Variants in SGPP2 observed in about 807,000 individuals in gnomAD.
SGPP2 encodes the protein sphingosine-1-phosphate phosphatase 2.
SGPP2 carries 30 observed loss-of-function variants against 33.9 expected under a neutral mutation model. The ratio of observed to expected loss-of-function variants is 0.89; its 90% CI spans 0.66 to 1.20. The LOEUF is 1.20. Ranked by LOEUF, SGPP2 falls within the 50% of genes most tolerant of loss-of-function variation. The probability of loss-of-function intolerance (pLI) is 0.00; values close to 1 mark genes in which losing one functional copy is unlikely to be tolerated. For missense variants in SGPP2, 458 were observed against 532.1 expected, an observed-to-expected ratio of 0.86 and a Z score of 1.37; for synonymous variants, 233 against 225.0, an observed-to-expected ratio of 1.04 and a Z score of -0.32.
chr2:222,543,584 G>A (rs1689119726), intron 4 of SGPP2, among the ~76,000 whole-genome samples: 1 of 152,150 alleles, frequency 6.6e-6, no homozygotes, highest in African/African-American at 2.4e-5. Flanking sequence ...ATGTGAATGT[G>A]GTCTCTCTCT....
chr2:222,550,903 C>T lies in SGPP2; in HGVS notation c.649-7444C>T, dbSNP rs1234345583. ...TAAACTTCATGAGCAGCCTTATTAT[C>T]GTCTCTGGTTATTTTCTTAGAATCA... On this transcript the variant is annotated intron_variant, in intron 4 of 4. Coordinates refer to ENST00000321276, the MANE Select transcript of SGPP2 (RefSeq NM_152386.4). This position sits in a 1 kb window ranked among gnomAD's most constrained non-coding sequence, Gnocchi z 4.5. Among the ~76,000 whole-genome samples, 4 of 152,134 alleles carry T rather than the reference C, an allele frequency of 2.6e-5. No individual in the cohort carries two copies. Among genetic ancestry groups the T allele is most frequent in the Admixed American group, 1.3e-4 (2 of 15,278 alleles).
At chr2:222,452,236 T>G (rs1418063328) in intron 1 of SGPP2, among the ~76,000 whole-genome samples, 1 of 152,162 alleles carries the variant, frequency 6.6e-6, no homozygotes, top group Non-Finnish European at 1.5e-5. Flanking sequence ...CTGATTAGGC[T>G]TCAACCATAC....
intron 2 of SGPP2, among the ~76,000 whole-genome samples, chr2:222,511,271 G>A (rs1397104892): frequency 6.6e-6 from 1 of 152,144 alleles, no homozygotes; most frequent in Non-Finnish European, 1.5e-5. Context: ...TTGTCTGCCT[G>A]GGGTGAATGG....
At chr2:222,549,519 A>T (rs572452836) in intron 4 of SGPP2, among the ~76,000 whole-genome samples, 6 of 152,308 alleles carry the variant, frequency 3.9e-5, no homozygotes, top group African/African-American at 1.4e-4. Context: ...TACTTTTAAA[A>T]TTTGTTCTGA....
At chr2:222,554,637 A>T (rs1335135976) in intron 4 of SGPP2, among the ~76,000 whole-genome samples, 1 of 152,166 alleles carries the variant, frequency 6.6e-6, no homozygotes, top group Non-Finnish European at 1.5e-5. Context: ...CTACAGTTTC[A>T]TTAACAGAAC....
chr2:222,535,167 A>G (rs552472919), intron 4 of SGPP2, among the ~76,000 whole-genome samples: 4 of 151,764 alleles, frequency 2.6e-5, no homozygotes, highest in African/African-American at 9.7e-5. Flanking sequence ...ACCTGAGGTC[A>G]GGAGTTCAAG....
At chr2:222,495,641 T>C (rs573445273) in intron 2 of SGPP2, among the ~76,000 whole-genome samples, 2 of 152,234 alleles carry the variant, frequency 1.3e-5, no homozygotes, top group South Asian at 4.2e-4. Context: ...AGAAAGGATT[T>C]ACTACAAGGA....
chr2:222,484,671 T>C (rs1398290129), intron 2 of SGPP2, among the ~76,000 whole-genome samples: 1 of 152,148 alleles, frequency 6.6e-6, no homozygotes, highest in Non-Finnish European at 1.5e-5. Context: ...CATCCTGATA[T>C]GGCAGAGGGT....
At chr2:222,496,560 A>G (rs1698283820) in intron 2 of SGPP2, among the ~76,000 whole-genome samples, 1 of 152,192 alleles carries the variant, frequency 6.6e-6, no homozygotes. Context: ...GTGAACTTTT[A>G]AAAACATGTA....
intron 2 of SGPP2, among the ~76,000 whole-genome samples, chr2:222,483,992 GTGGAATCTGTAATT>G (rs1400393953): frequency 1.3e-5 from 2 of 152,176 alleles, no homozygotes; most frequent in Non-Finnish European, 2.9e-5. Flanking sequence ...TCCCTCTGAA[GTGGAATCTGTAATT>G]TAGCCTTAGT....
intron 2 of SGPP2, among the ~76,000 whole-genome samples, chr2:222,511,835 AC>A (rs1698534068): frequency 6.6e-6 from 1 of 151,424 alleles, no homozygotes; most frequent in Non-Finnish European, 1.5e-5. Context: ...TCCCCACCAC[AC>A]CCGGAAAGTT....
At chr2:222,521,458 A>T (rs140620301) in intron 2 of SGPP2, among the ~76,000 whole-genome samples, 8 of 152,338 alleles carry the variant, frequency 5.3e-5, no homozygotes, top group Non-Finnish European at 1.0e-4. Context: ...ATTGAGTAAA[A>T]ATCTGCAAAG....
chr2:222,503,431 A>G (rs764327504), intron 2 of SGPP2, among the ~76,000 whole-genome samples: 1 of 152,226 alleles, frequency 6.6e-6, no homozygotes, highest in Non-Finnish European at 1.5e-5. Flanking sequence ...ACTTTCTTTC[A>G]GTATTCAAAT....
chr2:222,444,099 T>A (rs969095812), intron 1 of SGPP2, among the ~76,000 whole-genome samples: 10 of 152,246 alleles, frequency 6.6e-5, no homozygotes, highest in African/African-American at 2.4e-4. Context: ...ATTATTTTAA[T>A]GTGACAAGGT....
chr2:222,519,627 C>T (rs527355832), intron 2 of SGPP2, among the ~76,000 whole-genome samples: 10 of 152,252 alleles, frequency 6.6e-5, no homozygotes, highest in African/African-American at 2.2e-4. Flanking sequence ...GTATAGTGCA[C>T]CCAGGTAGTG....
At chr2:222,549,120 C>T (rs1689249867) in intron 4 of SGPP2, among the ~76,000 whole-genome samples, 1 of 152,352 alleles carries the variant, frequency 6.6e-6, no homozygotes, top group East Asian at 1.9e-4. Context: ...AGAGAAGTCC[C>T]TTCACATTCT....
intron 4 of SGPP2, among the ~76,000 whole-genome samples, chr2:222,557,962 C>A (rs1291038295): frequency 6.6e-6 from 1 of 152,152 alleles, no homozygotes; most frequent in Non-Finnish European, 1.5e-5. Flanking sequence ...GCAGCCCAAC[C>A]CCCAGGTGGA....
At position 222,543,852 on chromosome 2, in the gene SGPP2, G is replaced by A. The variant is rs566696055; in HGVS notation, c.649-14495G>A. Among the ~76,000 whole-genome samples, 153 of 152,114 alleles carry A rather than the reference G, an allele frequency of 1.0e-3. 1 individual carries two copies. The highest frequency in any genetic ancestry group is 2.3e-3 in the Admixed American group (35 of 15,294). ...GTATTCTCATATAAATTTTCGAATC[G>A]GCTTTTCATTTTCTCCAATGCTGGA... On this transcript the variant is annotated intron_variant, in intron 4 of 4. Coordinates refer to ENST00000321276, the MANE Select transcript of SGPP2 (RefSeq NM_152386.4).
At chr2:222,428,981 C>T (rs1037972467) in intron 1 of SGPP2, among the ~76,000 whole-genome samples, 3 of 151,640 alleles carry the variant, frequency 2.0e-5, no homozygotes, top group African/African-American at 7.3e-5. Flanking sequence ...TAGTAGAGAT[C>T]GGGTTTTGCC....
Sources: gnomAD v4.1 joint callset for allele counts (sites outside exome capture counted in the v4.1 genomes callset) on GRCh38, gnomAD v4.1.1 for gene constraint, Gnocchi (gnomAD v3.1) non-coding constraint, MANE v1.5 for transcripts, NCBI Gene and HGNC (gene_info 2026-07-23, HGNC 2026-07-21) for gene names.